The following PDE4D variants were observed in gnomAD, a reference collection of about 807,000 sequenced individuals.
PDE4D encodes 3',5'-cyclic-AMP phosphodiesterase 4D.
Under a neutral mutation model 87.4 loss-of-function variants are expected in PDE4D, and 24 were observed. The ratio of observed to expected loss-of-function variants is 0.27; its 90% CI spans 0.20 to 0.39. PDE4D has a LOEUF of 0.39. Among genes scored for constraint, PDE4D ranks in the 10% least tolerant of loss-of-function variants. The pLI, the probability that PDE4D is intolerant of heterozygous loss-of-function variation, is 1.00. For synonymous variants in PDE4D, 384 were observed against 383.2 expected, an observed-to-expected ratio of 1.00 and a Z score of -0.02; for missense variants, 714 against 1,041.0, an observed-to-expected ratio of 0.69 and a Z score of 4.32.
At chr5:59,508,007 G>A (rs1809596875) in intron 1 of PDE4D, among the ~76,000 whole-genome samples, 1 of 152,166 alleles carries the variant, frequency 6.6e-6, no homozygotes, top group African/African-American at 2.4e-5. Context: ...AATTATACTG[G>A]ATGATTGCTT....
chr5:60,399,220 C>T (rs1763103431), intron 1 of PDE4D, among the ~76,000 whole-genome samples: 1 of 152,044 alleles, frequency 6.6e-6, no homozygotes, highest in Admixed American at 6.5e-5. Flanking sequence ...CTTAGTATTG[C>T]TTATAGAAAC....
intron 1 of PDE4D, among the ~76,000 whole-genome samples, chr5:59,377,362 A>C (rs1293569541): frequency 6.6e-6 from 1 of 151,674 alleles, no homozygotes; most frequent in African/African-American, 2.4e-5. Flanking sequence ...GGTTGCAGTG[A>C]GCTGAGATCA....
intron 1 of PDE4D, among the ~76,000 whole-genome samples, chr5:60,289,023 G>T (rs1311167914): frequency 1.3e-5 from 2 of 152,148 alleles, no homozygotes; most frequent in East Asian, 3.9e-4. Context: ...CTATATTTGA[G>T]TCAACAGCTG....
intron 3 of PDE4D, among the ~76,000 whole-genome samples, chr5:59,189,213 A>T (rs1581264456): frequency 7.2e-6 from 1 of 139,698 alleles, no homozygotes; most frequent in Non-Finnish European, 1.5e-5. Context: ...AGGTAAAGAG[A>T]TGTAGTTGTT....
chr5:59,744,862 G>A (rs1759378797), intron 1 of PDE4D, among the ~76,000 whole-genome samples: 1 of 152,078 alleles, frequency 6.6e-6, no homozygotes, highest in Admixed American at 6.6e-5. Flanking sequence ...TTCCTGGATA[G>A]CTATGGTAAC....
At chr5:59,194,854 C>G (rs1745103699) in intron 2 of PDE4D, among the ~76,000 whole-genome samples, 1 of 152,124 alleles carries the variant, frequency 6.6e-6, no homozygotes, top group Non-Finnish European at 1.5e-5. Context: ...AAGGTATTTT[C>G]CCATGTTGAT....
chr5:59,167,537 A>G (rs1782098529), intron 5 of PDE4D, among the ~76,000 whole-genome samples: 1 of 152,164 alleles, frequency 6.6e-6, no homozygotes, highest in Non-Finnish European at 1.5e-5. Context: ...GCTGTGAAGT[A>G]TTCCCTAAAT....
At chr5:59,430,240 G>A (rs2153631358) in intron 1 of PDE4D, 2 of 1,228,672 alleles carry the variant, frequency 1.6e-6, no homozygotes, top group East Asian at 3.2e-5. Flanking sequence ...GTTACCAAAG[G>A]GCAACAAAAC....
chr5:60,426,613 T>A (rs574152043), intron 1 of PDE4D, among the ~76,000 whole-genome samples: 1 of 152,166 alleles, frequency 6.6e-6, no homozygotes, highest in East Asian at 1.9e-4. Flanking sequence ...CAAACCAACA[T>A]GGCACATGTA....
At chr5:59,868,401 T>C (rs1480431213) in intron 1 of PDE4D, among the ~76,000 whole-genome samples, 1 of 152,188 alleles carries the variant, frequency 6.6e-6, no homozygotes, top group Non-Finnish European at 1.5e-5. Context: ...TGAAATAATA[T>C]GCATCACATT....
At chr5:59,155,408 GC>G (rs1780023591) in intron 5 of PDE4D, among the ~76,000 whole-genome samples, 1 of 152,124 alleles carries the variant, frequency 6.6e-6, no homozygotes, top group Non-Finnish European at 1.5e-5. Flanking sequence ...AGAAGAAGAA[GC>G]CTCTAAGAAC....
At chr5:59,889,065 A>G (rs2152751846) in intron 1 of PDE4D, among the ~76,000 whole-genome samples, 1 of 151,644 alleles carries the variant, frequency 6.6e-6, no homozygotes, top group East Asian at 2.0e-4. Flanking sequence ...CATCTCTACT[A>G]AAAATACAAA....
intron 1 of PDE4D, among the ~76,000 whole-genome samples, chr5:60,475,977 A>G (rs1311531180): frequency 6.6e-6 from 1 of 152,124 alleles, no homozygotes; most frequent in Non-Finnish European, 1.5e-5. Flanking sequence ...CATACTTACC[A>G]GAGTTATCCT....
intron 2 of PDE4D, chr5:60,022,650 C>G (rs575946983): frequency 2.2e-4 from 34 of 152,362 alleles, no homozygotes; most frequent in African/African-American, 7.7e-4. Flanking sequence ...CTCCCAGGCT[C>G]CAGATACAGC....
intron 1 of PDE4D, among the ~76,000 whole-genome samples, chr5:59,845,726 C>T (rs555382894): frequency 1.3e-5 from 2 of 152,176 alleles, no homozygotes; most frequent in Admixed American, 1.3e-4. Context: ...TGTGCATTAG[C>T]TGTGTGGATA....
chr5:59,462,573 T>G (rs1800932728), intron 1 of PDE4D, among the ~76,000 whole-genome samples: 1 of 152,092 alleles, frequency 6.6e-6, no homozygotes, highest in South Asian at 2.1e-4. Context: ...TTCCTAAACA[T>G]CAAAAATATA....
At chr5:59,592,220 G>T (rs1164549564) in intron 1 of PDE4D, 6 of 809,322 alleles carry the variant, frequency 7.4e-6, no homozygotes, top group Middle Eastern at 6.2e-4. Flanking sequence ...CTCAGTCAAT[G>T]TTAACTAATA....
chr5:59,545,281 C>T (rs1817075617), intron 1 of PDE4D, among the ~76,000 whole-genome samples: 2 of 152,072 alleles, frequency 1.3e-5, no homozygotes, highest in African/African-American at 4.8e-5. Context: ...TAGATGCAGG[C>T]CATGCAGCCA....
chr5:59,483,043 C>T (rs1197827998), intron 1 of PDE4D, among the ~76,000 whole-genome samples: 1 of 152,130 alleles, frequency 6.6e-6, no homozygotes, highest in Non-Finnish European at 1.5e-5. Context: ...AACATAAAGG[C>T]TGAACCTTCC....
Sources: gnomAD v4.1 joint callset for allele counts (sites outside exome capture counted in the v4.1 genomes callset) on GRCh38, gnomAD v4.1.1 for gene constraint, MANE v1.5 for transcripts, NCBI Gene and HGNC (gene_info 2026-07-23, HGNC 2026-07-21) for gene names.